The following SH3RF3 variants were observed in gnomAD, a reference collection of about 807,000 sequenced individuals.
SH3RF3 encodes E3 ubiquitin-protein ligase SH3RF3.
Under a neutral mutation model 66.3 loss-of-function variants are expected in SH3RF3, and 29 were observed. The observed-to-expected ratio is 0.44, with a 90% CI of 0.33 to 0.60. The LOEUF (loss-of-function observed/expected upper bound fraction) is 0.60, where lower values mean the gene tolerates loss of function less well. Ranked by LOEUF, SH3RF3 falls within the 20% of genes least tolerant of loss-of-function variation. The pLI is 0.04. For missense variants in SH3RF3, 1,194 were observed against 1,190.9 expected (o/e 1.00, Z -0.04); for synonymous variants, 583 against 532.0 (o/e 1.10, Z -1.32).
chr2:109,322,344 C>T (rs1682045147), intron 1 of SH3RF3, among the ~76,000 whole-genome samples: 1 of 152,210 alleles, frequency 6.6e-6, no homozygotes, highest in South Asian at 2.1e-4. Flanking sequence ...AGAGGCAGAA[C>T]ATTTCAACAT....
intron 1 of SH3RF3, among the ~76,000 whole-genome samples, chr2:109,274,805 G>A (rs113764597): frequency 0.024 from 3,665 of 152,100 alleles, 140 homozygotes; most frequent in African/African-American, 0.084. Context: ...ATCAATAAAA[G>A]AGCTAGTTCT....
intron 8 of SH3RF3, among the ~76,000 whole-genome samples, chr2:109,459,409 A>G (rs1015127586): frequency 6.6e-6 from 1 of 152,094 alleles, no homozygotes; most frequent in Non-Finnish European, 1.5e-5. Context: ...ATGGACCCTT[A>G]CCTGGTGGGG....
chr2:109,474,617 G>C (rs569277253), intron 8 of SH3RF3, among the ~76,000 whole-genome samples: 2 of 152,208 alleles, frequency 1.3e-5, no homozygotes, highest in Admixed American at 1.3e-4. Flanking sequence ...GGCAGGGGGG[G>C]AGAACGCAGG....
intron 4 of SH3RF3, among the ~76,000 whole-genome samples, chr2:109,404,789 A>T (rs973866919): frequency 6.6e-6 from 1 of 151,580 alleles, no homozygotes; most frequent in South Asian, 2.1e-4. Context: ...CTTGCCCACC[A>T]CCCCTGCTGC....
chr2:109,437,042 C>T lies in SH3RF3; in HGVS notation c.1724C>T (p.Pro575Leu). The T allele has an allele frequency of 6.2e-7, 1 of 1,613,846 alleles. No individual in the cohort carries two copies. The highest frequency in any genetic ancestry group is 8.5e-7 in the Non-Finnish European group (1 of 1,179,894). ...ATRPALPITTPQAHAQHPTAS... is the reference protein window; with the variant it reads ...ATRPALPITTLQAHAQHPTAS... ...AGGCCCGCCCTGCCCATCACCACTC[C>T]CCAGGCCCACGCCCAGCACCCCACA... Residue 575 changes from proline to leucine, a missense_variant, in exon 7 of 10, where the codon CCC becomes CTC. Physicochemically the swap from Pro to Leu is moderately conservative, Grantham distance 98. Coordinates refer to ENST00000309415, the MANE Select transcript of SH3RF3 (RefSeq NM_001099289.3).
At chr2:109,241,176 GTACT>G (rs1679772522) in intron 1 of SH3RF3, among the ~76,000 whole-genome samples, 1 of 152,170 alleles carries the variant, frequency 6.6e-6, no homozygotes, top group South Asian at 2.1e-4. Flanking sequence ...AAATAAGTTT[GTACT>G]TACATACCTC....
chr2:109,342,775 G>T (rs1682585253), intron 1 of SH3RF3, among the ~76,000 whole-genome samples: 1 of 152,188 alleles, frequency 6.6e-6, no homozygotes, highest in Non-Finnish European at 1.5e-5. Context: ...GTGCCCACGT[G>T]AGCGCCATCT....
intron 1 of SH3RF3, among the ~76,000 whole-genome samples, chr2:109,169,022 A>ACT (rs1467624959): frequency 1.3e-5 from 2 of 151,574 alleles, no homozygotes; most frequent in African/African-American, 4.9e-5. Flanking sequence ...GCCTAACAGG[A>ACT]CTCTCCCTTG....
rs546907324 is a variant in SH3RF3, at chr2:109,394,964, G to A, written c.946-3626G>A. On this transcript the variant is annotated intron_variant, in intron 3 of 9. Coordinates refer to ENST00000309415, the MANE Select transcript of SH3RF3 (RefSeq NM_001099289.3). ...TGGCAGGCGAGGGCATCCTGTGACC[G>A]TGGGCCCACAAGGATGTGTGTGGCC... 2.2e-3 allele frequency among the ~76,000 whole-genome samples: 339 copies of A among 152,366 alleles called. 2 individuals are homozygous for A. The highest frequency in any genetic ancestry group is 7.5e-3 in the African/African-American group (310 of 41,596).
intron 1 of SH3RF3, among the ~76,000 whole-genome samples, chr2:109,283,143 G>C (rs1406486052): frequency 1.3e-5 from 2 of 152,174 alleles, no homozygotes; most frequent in Non-Finnish European, 1.5e-5. Context: ...AAAATGCCCA[G>C]GGTACAGCCC....
At chr2:109,153,641 A>G (rs951788911) in intron 1 of SH3RF3, among the ~76,000 whole-genome samples, 1 of 152,074 alleles carries the variant, frequency 6.6e-6, no homozygotes, top group African/African-American at 2.4e-5. Context: ...ATAGTAAAAC[A>G]TGAGATCACC....
chr2:109,380,710 G>A (rs559071678), intron 3 of SH3RF3, among the ~76,000 whole-genome samples: 1 of 152,330 alleles, frequency 6.6e-6, no homozygotes, highest in Admixed American at 6.5e-5. Flanking sequence ...GGGGCACATG[G>A]AGCCTTGTGC....
intron 1 of SH3RF3, among the ~76,000 whole-genome samples, chr2:109,257,720 C>A (rs1379686985): frequency 1.3e-5 from 2 of 152,136 alleles, no homozygotes; most frequent in Non-Finnish European, 2.9e-5. Context: ...ACAGTTAGAG[C>A]TCCCTGTCTC....
At chr2:109,317,338 G>C (rs189957230) in intron 1 of SH3RF3, among the ~76,000 whole-genome samples, 119 of 152,248 alleles carry the variant, frequency 7.8e-4, no homozygotes, top group African/African-American at 2.7e-3. Flanking sequence ...TCTGTGGGCA[G>C]GTGGGCAGGT....
At chr2:109,361,605 C>T (rs1322307107) in intron 2 of SH3RF3, among the ~76,000 whole-genome samples, 3 of 152,180 alleles carry the variant, frequency 2.0e-5, no homozygotes, top group African/African-American at 7.2e-5. Context: ...TCCCAAGTAG[C>T]TGGGACTACA....
intron 1 of SH3RF3, among the ~76,000 whole-genome samples, chr2:109,220,801 T>A (rs773235030): frequency 1.3e-5 from 2 of 152,232 alleles, no homozygotes; most frequent in Non-Finnish European, 2.9e-5. Flanking sequence ...GTTATGCTAG[T>A]GGGCATATAA....
rs1442953022 is a variant in SH3RF3 at position 109,130,117 on chromosome 2, A to G, written c.573+4A>G. The G allele has an allele frequency of 1.5e-6, 2 of 1,301,754 alleles. No individual in the cohort carries two copies. Among genetic ancestry groups the G allele is most frequent in the African/African-American group, 1.5e-5 (1 of 64,848 alleles). The allele number at this position is 1,301,754 out of a possible 1,614,324, so 80.6% of individuals were successfully genotyped here. ...CAGGACCGCGCCGGCGGCAAAGGTG[A>G]GTATCTGTCTCGGCGGAAGTGGCCA... is the stretch of plus-strand genomic sequence containing the variant. On this transcript the variant is annotated splice_donor_region_variant and intron_variant, in intron 1 of 9. Coordinates refer to ENST00000309415, the MANE Select transcript of SH3RF3 (RefSeq NM_001099289.3).
At position 109,468,290 on chromosome 2, in the gene SH3RF3, G is replaced by A. The variant is rs77478761; in HGVS notation, c.2148+18801G>A. 3.5e-3 allele frequency among the ~76,000 whole-genome samples: 529 copies of A among 152,274 alleles called. 19 individuals carry two copies. The East Asian group carries it at 0.061, about 18-fold the overall frequency. ...ACACCATAGGCAACTGTAACACAGCGGCAAGTACCGTGTGTCTAAATATAG... is the reference window on the plus strand; with the variant it reads ...ACACCATAGGCAACTGTAACACAGCAGCAAGTACCGTGTGTCTAAATATAG... On this transcript the variant is annotated intron_variant, in intron 8 of 9. Coordinates refer to ENST00000309415, the MANE Select transcript of SH3RF3 (RefSeq NM_001099289.3).
At chr2:109,475,949 T>G (rs544882098) in intron 8 of SH3RF3, among the ~76,000 whole-genome samples, 1 of 152,316 alleles carries the variant, frequency 6.6e-6, no homozygotes, top group African/African-American at 2.4e-5. Context: ...AACCAAAAAC[T>G]TCCTGTGGTG....
Sources: allele counts gnomAD v4.1 joint callset (sites outside exome capture counted in the v4.1 genomes callset), GRCh38; gene constraint gnomAD v4.1.1; transcripts MANE v1.5; gene names NCBI Gene and HGNC (gene_info 2026-07-23, HGNC 2026-07-21).